PARD3: variants seen among roughly 807,000 people sequenced by gnomAD.
The protein encoded by PARD3 is par-3 family cell polarity regulator.
In PARD3, 75 loss-of-function variants were observed where a neutral mutation model predicts 155.4. The observed-to-expected ratio is 0.48, with a 90% CI of 0.40 to 0.58. PARD3 has a LOEUF of 0.58. Ranked by LOEUF, PARD3 falls within the 20% of genes least tolerant of loss-of-function variation. The probability of loss-of-function intolerance (pLI) is 0.00; values close to 1 mark genes in which losing one functional copy is unlikely to be tolerated. For missense variants in PARD3, 1,642 were observed against 1,721.7 expected (o/e 0.95, Z 0.82); for synonymous variants, 576 against 610.5 (o/e 0.94, Z 0.83).
At chr10:34,177,845 T>C (rs1950104799) in intron 22 of PARD3, among the ~76,000 whole-genome samples, 1 of 152,204 alleles carries the variant, frequency 6.6e-6, no homozygotes, top group Non-Finnish European at 1.5e-5. Flanking sequence ...TCCTTGGCCC[T>C]TTCCCCTTAA....
intron 12 of PARD3, among the ~76,000 whole-genome samples, chr10:34,369,685 G>A (rs1400466400): frequency 6.6e-6 from 1 of 152,128 alleles, no homozygotes; most frequent in East Asian, 1.9e-4. Flanking sequence ...ATAACTGTAT[G>A]CACAGTTACC....
intron 15 of PARD3, chr10:34,343,216 T>C (rs554679578): frequency 3.4e-6 from 2 of 586,666 alleles, no homozygotes; most frequent in African/African-American, 4.1e-5. Flanking sequence ...ACGAGGCATG[T>C]CACAATATTA....
At chr10:34,499,125 T>C (rs2080494195) in intron 3 of PARD3, among the ~76,000 whole-genome samples, 1 of 152,212 alleles carries the variant, frequency 6.6e-6, no homozygotes, top group Non-Finnish European at 1.5e-5. Context: ...TCAAGATTTT[T>C]TTCTCTAAGT....
At chr10:34,139,276 T>C (rs1332309319) in intron 22 of PARD3, among the ~76,000 whole-genome samples, 1 of 152,216 alleles carries the variant, frequency 6.6e-6, no homozygotes, top group African/African-American at 2.4e-5. Flanking sequence ...GATGATGTCC[T>C]TGGGTAACAA....
chr10:34,366,275 T>C (rs550618018), intron 12 of PARD3, among the ~76,000 whole-genome samples: 2 of 152,234 alleles, frequency 1.3e-5, no homozygotes, highest in Non-Finnish European at 2.9e-5. Context: ...CAACACTTTA[T>C]TGTAAAATAA....
intron 22 of PARD3, among the ~76,000 whole-genome samples, chr10:34,133,765 T>A (rs917221394): frequency 6.6e-6 from 1 of 152,188 alleles, no homozygotes; most frequent in African/African-American, 2.4e-5. Context: ...GGTTTAAGCA[T>A]CTAAAATTGA....
intron 2 of PARD3, among the ~76,000 whole-genome samples, chr10:34,586,985 G>A (rs1213237281): frequency 6.6e-6 from 1 of 152,140 alleles, no homozygotes; most frequent in African/African-American, 2.4e-5. Context: ...GGGTGATACG[G>A]GACAAACTCA....
chr10:34,607,649 T>C (rs2090574217), intron 2 of PARD3, among the ~76,000 whole-genome samples: 2 of 152,206 alleles, frequency 1.3e-5, no homozygotes, highest in Admixed American at 1.3e-4. Context: ...AGTCCATCCT[T>C]TGGCACCTAT....
intron 2 of PARD3, among the ~76,000 whole-genome samples, chr10:34,684,846 CAT>C (rs71487903): frequency 3.9e-4 from 52 of 132,814 alleles, no homozygotes; most frequent in Non-Finnish European, 4.3e-4. Context: ...TACACACACA[CAT>C]ATATATACAT....
intron 1 of PARD3, among the ~76,000 whole-genome samples, chr10:34,779,920 C>CT (rs1840051342): frequency 6.6e-6 from 1 of 152,230 alleles, no homozygotes; most frequent in Non-Finnish European, 1.5e-5. Context: ...TCTGTCTTCT[C>CT]TGAGTCCCTT....
intron 2 of PARD3, among the ~76,000 whole-genome samples, chr10:34,604,297 G>C (rs2090038212): frequency 6.6e-6 from 1 of 152,126 alleles, no homozygotes; most frequent in South Asian, 2.1e-4. Flanking sequence ...ATTTGACTCT[G>C]AGCTGGGGAA....
chr10:34,684,832 TATATACACAC>T (rs2093922202), intron 2 of PARD3, among the ~76,000 whole-genome samples: 1 of 57,306 alleles, frequency 1.7e-5, no homozygotes. Flanking sequence ...CACACACACA[TATATACACAC>T]ACACATATAT....
chr10:34,224,328 A>G (rs1952476226), intron 22 of PARD3, among the ~76,000 whole-genome samples: 5 of 152,232 alleles, frequency 3.3e-5, no homozygotes, highest in South Asian at 4.1e-4. Context: ...GCAGAGGTAC[A>G]TGGGGGAATT....
At chr10:34,310,713 C>T (rs568435565) in intron 20 of PARD3, among the ~76,000 whole-genome samples, 1 of 152,330 alleles carries the variant, frequency 6.6e-6, no homozygotes, top group South Asian at 2.1e-4. Context: ...CTTGTCTTTG[C>T]TAGCAGGTCA....
intron 2 of PARD3, among the ~76,000 whole-genome samples, chr10:34,664,443 C>T (rs560837862): frequency 2.0e-5 from 3 of 151,120 alleles, no homozygotes; most frequent in South Asian, 4.2e-4. Context: ...CCTTGTGATC[C>T]GCCCACCTCA....
At chr10:34,519,159 A>G (rs1329528106) in intron 2 of PARD3, among the ~76,000 whole-genome samples, 1 of 152,216 alleles carries the variant, frequency 6.6e-6, no homozygotes, top group Non-Finnish European at 1.5e-5. Context: ...GAAATTGTGC[A>G]AATTGGAGGA....
At chr10:34,684,219 G>A (rs930115915) in intron 2 of PARD3, among the ~76,000 whole-genome samples, 3 of 152,228 alleles carry the variant, frequency 2.0e-5, no homozygotes, top group Non-Finnish European at 2.9e-5. Flanking sequence ...CAGTGAAAAC[G>A]AAAACAAAAC....
intron 2 of PARD3, among the ~76,000 whole-genome samples, chr10:34,533,793 A>C (rs962453154): frequency 6.7e-6 from 1 of 149,704 alleles, no homozygotes; most frequent in African/African-American, 2.5e-5. Context: ...GTGACAGAGC[A>C]AGACTCCATC....
intron 5 of PARD3, among the ~76,000 whole-genome samples, chr10:34,445,890 T>C (rs1166269952): frequency 1.3e-5 from 2 of 151,654 alleles, no homozygotes; most frequent in Middle Eastern, 3.2e-3. Context: ...CTGTGTGAAG[T>C]GATGGGAAAC....
Sources: allele counts gnomAD v4.1 joint callset (sites outside exome capture counted in the v4.1 genomes callset), GRCh38; gene constraint gnomAD v4.1.1; transcripts MANE v1.5; gene names NCBI Gene and HGNC (gene_info 2026-07-23, HGNC 2026-07-21).